FAM170A: variants seen among roughly 807,000 people sequenced by gnomAD.
FAM170A encodes the protein family with sequence similarity 170 member A.
FAM170A carries 28 observed loss-of-function variants against 36.6 expected under a neutral mutation model. That is an observed-to-expected ratio of 0.76 (90% CI 0.57 to 1.05). The LOEUF (loss-of-function observed/expected upper bound fraction) is 1.05, where lower values mean the gene tolerates loss of function less well. Ranked by LOEUF, FAM170A falls within the 50% of genes least tolerant of loss-of-function variation. FAM170A has a pLI of 0.00. For synonymous variants in FAM170A, 156 were observed against 143.9 expected (o/e 1.08, Z -0.60); for missense variants, 434 against 396.5 (o/e 1.09, Z -0.80).
intron 2 of FAM170A, among the ~76,000 whole-genome samples, 185 bp downstream of exon 2, chr5:119,633,073 G>A (rs533563126): frequency 1.8e-4 from 27 of 152,226 alleles, no homozygotes; most frequent in Admixed American, 9.2e-4. Flanking sequence ...GTCTTTGGGT[G>A]TGGGGCTCCT....
intron 1 of FAM170A, among the ~76,000 whole-genome samples, chr5:119,632,046 G>T (rs1220322296): frequency 6.6e-6 from 1 of 152,074 alleles, no homozygotes; most frequent in Non-Finnish European, 1.5e-5. Flanking sequence ...GACAAATATT[G>T]CACGGGACAT....
rs1302661130 is a variant in FAM170A at position 119,632,735 on chromosome 5, A to C, written c.71-13A>C. 3.2e-6 allele frequency: 5 copies of C among 1,573,884 alleles called. 1 individual carries two copies. In the Admixed American group the frequency reaches 9.0e-5, roughly 28 times the overall value. On this transcript the variant is annotated splice_polypyrimidine_tract_variant and intron_variant, in intron 1 of 4. Transcript: ENST00000613773. ...CATCCATCATATCTCTGTTCCCTTC[A>C]TACCTTTCTCAGGAATGTCAAAGTC...
At chr5:119,633,725 C>G (rs536290302) in intron 2 of FAM170A, among the ~76,000 whole-genome samples, 18 of 152,202 alleles carry the variant, frequency 1.2e-4, no homozygotes, top group Non-Finnish European at 2.2e-4. Flanking sequence ...TCCACATATG[C>G]TGCAGTCCTC....
intron 3 of FAM170A, 50 bp downstream of exon 3, chr5:119,634,784 G>A (rs755094328): frequency 2.0e-6 from 3 of 1,490,300 alleles, no homozygotes; most frequent in South Asian, 1.4e-5. Context: ...TGGCTTCCCC[G>A]AGCCAGTACT....
rs528739250 is a variant in FAM170A at position 119,634,560 on chromosome 5, T to C, written c.812T>C (p.Met271Thr). ...ACCATGGCTCAGCTGACAGGCAACA[T>C]GGAATCAGAGAGCACCCAAGATGAG... Residue 271 changes from methionine (M) to threonine (T), a missense_variant, in exon 3 of 5, where the codon ATG becomes ACG. By Grantham distance (81) the Met-to-Thr change is moderately conservative. Transcript: ENST00000613773. 1.8e-5 allele frequency: 29 copies of C among 1,612,672 alleles called. No homozygotes were observed. The highest frequency in any genetic ancestry group is 2.2e-5 in the Non-Finnish European group (26 of 1,179,364).
At chr5:119,634,012 G>A in exon 3 of FAM170A, 15 of 1,614,102 alleles carry the variant, frequency 9.3e-6, no homozygotes, top group Non-Finnish European at 1.2e-5. Flanking sequence ...CCCTGGCCCA[G>A]GTTCAGGAAC....
Position 119,630,950 on chromosome 5 carries a change from C to T in FAM170A, c.70+1112C>T, listed in dbSNP as rs367808490. On this transcript the variant is annotated intron_variant, in intron 1 of 4. Coordinates refer to ENST00000613773, the Ensembl canonical transcript of FAM170A. ...AGATTAAACACTTGTTTAGGGATGGCGTCATAGTGAAACCACGGAGGTTTG... is the reference window on the plus strand; with the variant it reads ...AGATTAAACACTTGTTTAGGGATGGTGTCATAGTGAAACCACGGAGGTTTG... 2.6e-4 allele frequency among the ~76,000 whole-genome samples: 39 copies of T among 152,200 alleles called. No individual in the cohort carries two copies. In the East Asian group the frequency reaches 5.0e-3, roughly 20 times the overall value.
exon 3 of FAM170A, chr5:119,634,374 T>C: frequency 6.2e-7 from 1 of 1,614,116 alleles, no homozygotes; most frequent in South Asian, 1.1e-5. Context: ...TCACCCACCG[T>C]TGAGGACACA....
At chr5:119,633,858 C>T (rs760581382) in intron 2 of FAM170A, 102 bp from the exon 3 acceptor site, 52 of 1,435,778 alleles carry the variant, frequency 3.6e-5, no homozygotes, top group Non-Finnish European at 4.7e-5. Flanking sequence ...AGCTGCATCT[C>T]ACCACAGTCC....
intron 1 of FAM170A, among the ~76,000 whole-genome samples, chr5:119,631,420 T>G (rs1268935901): frequency 6.6e-6 from 1 of 152,084 alleles, no homozygotes. Flanking sequence ...CACATGTGTG[T>G]GTGTGTTGGG....
chr5:119,630,149 CTT>C (rs35312547), intron 1 of FAM170A, among the ~76,000 whole-genome samples: 2 of 85,240 alleles, frequency 2.3e-5, no homozygotes, highest in Admixed American at 1.5e-4. Flanking sequence ...CCTCGGCCTC[CTT>C]TTTTTTTTTT....
At chr5:119,634,105 A>G in exon 3 of FAM170A, 2 of 1,614,158 alleles carry the variant, frequency 1.2e-6, no homozygotes, top group Non-Finnish European at 8.5e-7. Flanking sequence ...CTCTGTGTGT[A>G]AACAAAGAGG....
chr5:119,630,466 C>T (rs905580779), intron 1 of FAM170A, among the ~76,000 whole-genome samples: 2 of 151,920 alleles, frequency 1.3e-5, no homozygotes, highest in Admixed American at 6.6e-5. Context: ...CCATCGCTCC[C>T]GGCCAGCCTG....
At chr5:119,634,092 C>A in exon 3 of FAM170A, 1 of 1,614,134 alleles carries the variant, frequency 6.2e-7, no homozygotes, top group South Asian at 1.1e-5. Flanking sequence ...ACTTGTGTGT[C>A]CTCTCTGTGT....
chr5:119,629,611 T>C, exon 1 of FAM170A: 1 of 571,696 alleles, frequency 1.7e-6, no homozygotes, highest in South Asian at 1.9e-5. Context: ...GCTCCTTCAC[T>C]AAGCGGTCTG....
intron 2 of FAM170A, among the ~76,000 whole-genome samples, chr5:119,633,329 G>C (rs1756296588): frequency 6.6e-6 from 1 of 152,114 alleles, no homozygotes; most frequent in South Asian, 2.1e-4. Flanking sequence ...AGAAGAGCAT[G>C]GATATAAGCT....
At position 119,629,735 on chromosome 5, in the gene FAM170A, T is replaced by G. The variant is rs750418368; in HGVS notation, c.-34T>G. 1.9e-6 allele frequency: 3 copies of G among 1,570,274 alleles called. No homozygotes were observed. Among genetic ancestry groups the G allele is most frequent in the South Asian group, 1.1e-5 (1 of 89,702 alleles). ...ACAGGAAAAAGTGGGAGGTGGACAT[T>G]AAGCATCTTCTAGAAACTCTTCTAG... is the stretch of plus-strand genomic sequence containing the variant. On this transcript the variant is annotated 5_prime_UTR_variant, in exon 1 of 5. The change creates a new upstream start codon in the 5' untranslated region. Transcript: ENST00000613773.
intron 1 of FAM170A, among the ~76,000 whole-genome samples, chr5:119,631,908 T>C (rs528683697): frequency 6.6e-6 from 1 of 152,308 alleles, no homozygotes; most frequent in South Asian, 2.1e-4. Context: ...ACCATCCCCT[T>C]ATTAGGGTTG....
At chr5:119,634,001 C>A in exon 3 of FAM170A, 1 of 1,614,112 alleles carries the variant, frequency 6.2e-7, no homozygotes, top group Non-Finnish European at 8.5e-7. Flanking sequence ...GCCTCAATCA[C>A]CCCTGGCCCA....
Sources: allele counts gnomAD v4.1 joint callset (sites outside exome capture counted in the v4.1 genomes callset), GRCh38; gene constraint gnomAD v4.1.1; transcripts MANE v1.5; gene names NCBI Gene and HGNC (gene_info 2026-07-23, HGNC 2026-07-21).